The following ZFAND3 variants were observed in gnomAD, a reference collection of about 807,000 sequenced individuals.
ZFAND3 encodes zinc finger AN1-type containing 3.
Under a neutral mutation model 29.6 loss-of-function variants are expected in ZFAND3, and 10 were observed. The ratio of observed to expected loss-of-function variants is 0.34; its 90% confidence interval spans 0.21 to 0.57. The LOEUF (loss-of-function observed/expected upper bound fraction) is 0.57. Among genes scored for constraint, ZFAND3 ranks in the 20% least tolerant of loss-of-function variants. The pLI, the probability that ZFAND3 is intolerant of heterozygous loss-of-function variation, is 0.86. For missense variants in ZFAND3, 230 were observed against 304.5 expected (o/e 0.76, Z 1.82); for synonymous variants, 128 against 112.6 (o/e 1.14, Z -0.87).
At chr6:38,105,733 C>T (rs1477210293) in intron 4 of ZFAND3, among the ~76,000 whole-genome samples, 2 of 152,086 alleles carry the variant, frequency 1.3e-5, no homozygotes, top group African/African-American at 2.4e-5. Context: ...TGGGATCTCT[C>T]TGTATTATTT....
rs752605309 is a variant in ZFAND3, at chr6:38,116,568, T to G, written c.362-4T>G. 6.2e-7 allele frequency: 1 copy of G among 1,605,304 alleles called. No individual in the cohort carries two copies. The highest frequency in any genetic ancestry group is 8.5e-7 in the Non-Finnish European group (1 of 1,173,318). On this transcript the variant is annotated splice_region_variant and splice_polypyrimidine_tract_variant and intron_variant, in intron 4 of 5. Coordinates refer to ENST00000287218, the MANE Select transcript of ZFAND3 (RefSeq NM_021943.3). Reference sequence around the variant, plus strand: ...CTGATCCCCAAATATGTTGTTTTGGTCAGATTCACAGTCTGAGAATGAGGC... The same window carrying G: ...CTGATCCCCAAATATGTTGTTTTGGGCAGATTCACAGTCTGAGAATGAGGC...
At chr6:37,988,424 T>C (rs1762706316) in intron 2 of ZFAND3, among the ~76,000 whole-genome samples, 1 of 152,246 alleles carries the variant, frequency 6.6e-6, no homozygotes, top group Non-Finnish European at 1.5e-5. Flanking sequence ...CTTTTCCTCA[T>C]CTGCCAGAAA....
At chr6:37,871,136 T>G (rs553904238) in intron 1 of ZFAND3, among the ~76,000 whole-genome samples, 2 of 152,334 alleles carry the variant, frequency 1.3e-5, no homozygotes, top group East Asian at 3.9e-4. Flanking sequence ...GGTTTAGACC[T>G]TTGATGTTGT....
At chr6:37,910,434 T>C (rs1206047873) in intron 1 of ZFAND3, among the ~76,000 whole-genome samples, 2 of 152,226 alleles carry the variant, frequency 1.3e-5, no homozygotes, top group Admixed American at 1.3e-4. Flanking sequence ...AATCTGAAGG[T>C]ACTCTTTCTA....
At chr6:38,103,890 T>C (rs1218097167) in intron 4 of ZFAND3, among the ~76,000 whole-genome samples, 2 of 152,206 alleles carry the variant, frequency 1.3e-5, no homozygotes, top group African/African-American at 4.8e-5. Flanking sequence ...TTTTTAAACA[T>C]CAATGCATTG....
At chr6:38,061,462 G>GT (rs1185174211) in intron 2 of ZFAND3, 131 bp from the exon 3 acceptor site, 18 of 1,141,154 alleles carry the variant, frequency 1.6e-5, no homozygotes, top group Non-Finnish European at 2.2e-5. Context: ...TACTCCCATG[G>GT]TTTTTTAGTC....
At chr6:37,939,012 C>T (rs183407030) in intron 2 of ZFAND3, among the ~76,000 whole-genome samples, 1 of 152,260 alleles carries the variant, frequency 6.6e-6, no homozygotes, top group Admixed American at 6.5e-5. Flanking sequence ...GCTGTAGTCT[C>T]TTTGTGGTAG....
intron 2 of ZFAND3, among the ~76,000 whole-genome samples, chr6:37,989,014 C>T (rs559709604): frequency 6.6e-6 from 1 of 152,258 alleles, no homozygotes; most frequent in East Asian, 1.9e-4. Flanking sequence ...AGCAATTCTC[C>T]TCCCTCAGCC....
In ZFAND3 at chr6:38,074,923, GC is replaced by G. The variant is rs201285705; in HGVS notation, c.296-7467del. Among the ~76,000 whole-genome samples, 1,100 of 152,258 alleles carry G rather than the reference GC, an allele frequency of 7.2e-3. 4 individuals are homozygous for G. Among genetic ancestry groups the G allele is most frequent in the Non-Finnish European group, 0.012 (815 of 68,014 alleles). On this transcript the variant is annotated intron_variant, in intron 3 of 5. Transcript: ENST00000287218. ...TGTGTTCTGTAAATGGAACAACAAA[GC>G]CTGGATGACTGCACATCTGTTTATA...
At chr6:37,932,473 A>G (rs1490423760) in intron 2 of ZFAND3, among the ~76,000 whole-genome samples, 1 of 152,162 alleles carries the variant, frequency 6.6e-6, no homozygotes, top group African/African-American at 2.4e-5. Flanking sequence ...AATCTGAGAA[A>G]AACAAATCCC....
chr6:37,925,072 A>G (rs138023903), intron 1 of ZFAND3, among the ~76,000 whole-genome samples: 108 of 152,260 alleles, frequency 7.1e-4, no homozygotes, highest in African/African-American at 2.5e-3. Flanking sequence ...GGAGACTTCC[A>G]GACTTTTTTT....
intron 2 of ZFAND3, among the ~76,000 whole-genome samples, chr6:38,015,128 C>T (rs1331400610): frequency 6.6e-6 from 1 of 151,938 alleles, no homozygotes; most frequent in Non-Finnish European, 1.5e-5. Context: ...GGATATTTAC[C>T]TTTAGGGAAA....
intron 2 of ZFAND3, among the ~76,000 whole-genome samples, chr6:38,055,449 C>G (rs1338613626): frequency 1.3e-5 from 2 of 152,158 alleles, no homozygotes; most frequent in Non-Finnish European, 2.9e-5. Flanking sequence ...TCAAATAAAG[C>G]TGAGTCTCAA....
At chr6:38,138,771 A>AC (rs2127494327) in intron 5 of ZFAND3, among the ~76,000 whole-genome samples, 1 of 152,380 alleles carries the variant, frequency 6.6e-6, no homozygotes, top group East Asian at 1.9e-4. Context: ...ACTCACACTG[A>AC]GGCAGAGAAG....
chr6:37,931,025 G>A (rs1221382214), intron 2 of ZFAND3, among the ~76,000 whole-genome samples: 1 of 152,176 alleles, frequency 6.6e-6, no homozygotes. Flanking sequence ...TCAAAGAAGT[G>A]AAGAATTTAA....
intron 4 of ZFAND3, among the ~76,000 whole-genome samples, chr6:38,101,706 G>A (rs900032337): frequency 6.7e-6 from 1 of 149,810 alleles, no homozygotes; most frequent in African/African-American, 2.5e-5. Flanking sequence ...CCTGGGAGGT[G>A]GAGGTTGCGG....
At chr6:38,040,974 T>C (rs1476794509) in intron 2 of ZFAND3, among the ~76,000 whole-genome samples, 4 of 152,208 alleles carry the variant, frequency 2.6e-5, no homozygotes, top group African/African-American at 4.8e-5. Context: ...CCCCTCCCCC[T>C]GCCATCAAGT....
At chr6:38,121,269 G>C (rs1234398816) in intron 5 of ZFAND3, among the ~76,000 whole-genome samples, 1 of 152,172 alleles carries the variant, frequency 6.6e-6, no homozygotes, top group East Asian at 1.9e-4. Context: ...CCAGCTACTT[G>C]GGAGGCCAAG....
chr6:37,848,479 A>G (rs531279427), intron 1 of ZFAND3, among the ~76,000 whole-genome samples: 75 of 152,372 alleles, frequency 4.9e-4, no homozygotes, highest in Middle Eastern at 3.4e-3. Context: ...CTGGAGCTGC[A>G]GCACTGAATG....
Sources: gnomAD v4.1 joint callset for allele counts (sites outside exome capture counted in the v4.1 genomes callset) on GRCh38, gnomAD v4.1.1 for gene constraint, MANE v1.5 for transcripts, NCBI Gene and HGNC (gene_info 2026-07-23, HGNC 2026-07-21) for gene names.